TASP1: variants seen among roughly 807,000 people sequenced by gnomAD.
TASP1 encodes threonine aspartase 1.
In TASP1, 16 loss-of-function variants were observed where a neutral mutation model predicts 56.6. That is an observed-to-expected ratio of 0.28 (90% CI 0.19 to 0.43). The LOEUF (loss-of-function observed/expected upper bound fraction) is 0.43, where lower values mean the gene tolerates loss of function less well. Among genes scored for constraint, TASP1 ranks in the 20% least tolerant of loss-of-function variants. The pLI, the probability that TASP1 is intolerant of heterozygous loss-of-function variation, is 1.00. For synonymous variants in TASP1, 179 were observed against 184.2 expected (o/e 0.97, Z 0.23); for missense variants, 393 against 511.6 (o/e 0.77, Z 2.24).
chr20:13,440,720 A>C (rs2043185349), intron 11 of TASP1, among the ~76,000 whole-genome samples: 1 of 152,012 alleles, frequency 6.6e-6, no homozygotes, highest in Admixed American at 6.6e-5. Flanking sequence ...ACACTGAGAG[A>C]AGTTTAATTT....
the TASP1 span, among the ~76,000 whole-genome samples, chr20:13,373,170 C>T: frequency 6.6e-6 from 1 of 152,066 alleles, no homozygotes; most frequent in South Asian, 2.1e-4. Context: ...CAGTACAACT[C>T]TGCCTCCACC....
chr20:13,236,065 C>G, the TASP1 span, among the ~76,000 whole-genome samples: 3 of 152,168 alleles, frequency 2.0e-5, no homozygotes, highest in Admixed American at 2.0e-4. Flanking sequence ...GCTGGGATTA[C>G]AGGCACCCAC....
At chr20:13,315,041 C>A in the TASP1 span, among the ~76,000 whole-genome samples, 1 of 151,842 alleles carries the variant, frequency 6.6e-6, no homozygotes, top group African/African-American at 2.4e-5. Context: ...GGAAGTATAA[C>A]TAATATGCTA....
the TASP1 span, among the ~76,000 whole-genome samples, chr20:13,228,006 C>T: frequency 2.0e-5 from 3 of 147,016 alleles, no homozygotes; most frequent in East Asian, 2.0e-4. Context: ...GCTCTGTTGC[C>T]CAGGCTGGAG....
chr20:13,559,039 T>G lies in TASP1; in HGVS notation c.644A>C (p.Gln215Pro), dbSNP rs200362428. ...ACTTGATTGTCTTCTTTTCTTTAGT[T>G]GCATAAAATCTGTGTCCACCCTTTC... ...LAERVDTDFM[Q>P]LKKRRQSSEK... Residue 215 changes from glutamine to proline, a missense_variant, in exon 8 of 14, where the codon CAA becomes CCA. By Grantham distance (76) the Gln-to-Pro change is moderately conservative (BLOSUM62 -1). Coordinates refer to ENST00000337743, the MANE Select transcript of TASP1 (RefSeq NM_017714.3). 2.7e-5 allele frequency: 43 copies of G among 1,596,378 alleles called. No individual in the cohort carries two copies. Among genetic ancestry groups the G allele is most frequent in the Non-Finnish European group, 1.0e-5 (12 of 1,170,844 alleles).
At chr20:13,629,867 T>C in intron 2 of TASP1, 67 bp downstream of exon 2, 2 of 1,600,144 alleles carry the variant, frequency 1.2e-6, no homozygotes, top group African/African-American at 1.3e-5. Context: ...TGATTCTCAG[T>C]GTACTTCAAG....
At position 13,630,710 on chromosome 20, in the gene TASP1, A is replaced by G. The variant is rs1190092677; in HGVS notation, c.-74-558T>C. On this transcript the variant is annotated intron_variant, in intron 1 of 13. Transcript: ENST00000337743. ...CTCAAAAAAAAAAAAAAAAAAAAAA[A>G]GGAGTCTCAAAAAGAAAAAAGAAAA... 5.1e-5 allele frequency among the ~76,000 whole-genome samples: 7 copies of G among 137,740 alleles called. No homozygotes were observed. The East Asian group carries it at 1.3e-3, about 26-fold the overall frequency. 90.4% of individuals were successfully genotyped at this position (137,740 alleles called of 152,430 possible).
At chr20:13,489,712 C>G (rs1264323698) in intron 10 of TASP1, among the ~76,000 whole-genome samples, 3 of 152,050 alleles carry the variant, frequency 2.0e-5, no homozygotes, top group African/African-American at 4.8e-5. Context: ...GCTTTAGCAA[C>G]GCAATTCAGT....
At chr20:13,288,788 TTTC>T in the TASP1 span, 1 of 1,238,346 alleles carries the variant, frequency 8.1e-7, no homozygotes, top group Non-Finnish European at 1.1e-6. Flanking sequence ...CTACTTTTCT[TTTC>T]TTTTTTTTTT....
intron 11 of TASP1, among the ~76,000 whole-genome samples, chr20:13,454,131 G>A (rs1231121300): frequency 6.6e-6 from 1 of 151,954 alleles, no homozygotes; most frequent in Admixed American, 6.6e-5. Context: ...TGAGGAGACA[G>A]ACAGTAATCA....
chr20:13,427,162 T>C (rs2042644516), intron 12 of TASP1, among the ~76,000 whole-genome samples: 1 of 152,226 alleles, frequency 6.6e-6, no homozygotes, highest in African/African-American at 2.4e-5. Context: ...CATGTGTTTA[T>C]ATGTGCTCGC....
the TASP1 span, among the ~76,000 whole-genome samples, chr20:13,225,351 T>G: frequency 1.1e-4 from 17 of 152,158 alleles, no homozygotes. Flanking sequence ...AGTCATACAC[T>G]CAAGAGAGAG....
At chr20:13,523,658 C>T (rs1332587698) in intron 10 of TASP1, among the ~76,000 whole-genome samples, 1 of 152,102 alleles carries the variant, frequency 6.6e-6, no homozygotes, top group Non-Finnish European at 1.5e-5. Context: ...ATCCCATCTA[C>T]CTTTGAAGCT....
chr20:13,330,578 G>A, the TASP1 span, among the ~76,000 whole-genome samples: 1 of 152,196 alleles, frequency 6.6e-6, no homozygotes, highest in East Asian at 1.9e-4. Context: ...AGGAGATCAT[G>A]TAGAACTGTT....
the TASP1 span, among the ~76,000 whole-genome samples, chr20:13,313,356 A>C: frequency 2.0e-5 from 3 of 152,248 alleles, no homozygotes; most frequent in Admixed American, 2.0e-4. Flanking sequence ...GGATGTGTAA[A>C]CAGACTGTAG....
At chr20:13,384,761 A>G (rs2041152081), downstream of TASP1, among the ~76,000 whole-genome samples, 1 of 152,204 alleles carries the variant, frequency 6.6e-6, no homozygotes, top group African/African-American at 2.4e-5. Context: ...CTTCTGGGAA[A>G]GGTTTAGAAT....
the TASP1 span, among the ~76,000 whole-genome samples, chr20:13,136,492 C>T: frequency 6.6e-6 from 1 of 151,536 alleles, no homozygotes; most frequent in Middle Eastern, 3.4e-3. Flanking sequence ...CCCAGCTACT[C>T]GGGAGGAAGT....
At chr20:13,121,978 A>C in the TASP1 span, among the ~76,000 whole-genome samples, 1 of 152,216 alleles carries the variant, frequency 6.6e-6, no homozygotes, top group Non-Finnish European at 1.5e-5. Context: ...GCCCTTTTCA[A>C]GATCAAAGGA....
intron 11 of TASP1, among the ~76,000 whole-genome samples, chr20:13,475,255 T>C (rs2044680900): frequency 6.6e-6 from 1 of 152,216 alleles, no homozygotes; most frequent in Non-Finnish European, 1.5e-5. Flanking sequence ...ACTGCATTCC[T>C]TTGCAAACTG....
Sources: allele counts gnomAD v4.1 joint callset (sites outside exome capture counted in the v4.1 genomes callset), GRCh38; gene constraint gnomAD v4.1.1; transcripts MANE v1.5; gene names NCBI Gene and HGNC (gene_info 2026-07-23, HGNC 2026-07-21).